The following RORA variants were observed in gnomAD, a reference collection of about 807,000 sequenced individuals.
RORA encodes the protein RAR related orphan receptor A.
A neutral mutation model predicts 69.5 loss-of-function variants in RORA; 7 were observed. The observed-to-expected ratio is 0.10, with a 90% CI of 0.06 to 0.19. The LOEUF is 0.19. Ranked by LOEUF, RORA falls within the 10% of genes least tolerant of loss-of-function variation. The probability of loss-of-function intolerance (pLI) is 1.00; values close to 1 mark genes in which losing one functional copy is unlikely to be tolerated. For missense variants in RORA, 457 were observed against 663.0 expected (o/e 0.69, Z 3.41); for synonymous variants, 261 against 240.8 (o/e 1.08, Z -0.78).
At chr15:60,739,619 G>A (rs1236510715) in intron 1 of RORA, among the ~76,000 whole-genome samples, 1 of 152,020 alleles carries the variant, frequency 6.6e-6, no homozygotes, top group Non-Finnish European at 1.5e-5. Context: ...ACACTTCCAG[G>A]AAGATTTTGT....
intron 1 of RORA, among the ~76,000 whole-genome samples, chr15:60,782,668 C>T (rs543413219): frequency 3.3e-5 from 5 of 152,186 alleles, no homozygotes; most frequent in African/African-American, 7.2e-5. Context: ...CAAAGTTTCC[C>T]GAAGACAACC....
In RORA at chr15:60,811,953, A is replaced by G. The variant is rs2140368140; in HGVS notation, c.167-133267T>C. 1.3e-5 allele frequency among the ~76,000 whole-genome samples: 2 copies of G among 152,304 alleles called. 1 individual carries two copies. The highest frequency in any genetic ancestry group is 4.1e-4 in the South Asian group (2 of 4,826). On this transcript the variant is annotated intron_variant, in intron 1 of 10. Transcript: ENST00000335670. ...TTTCATATTCATTATTTTAACGGTG[A>G]AATGGCAAAGTTTTCTAATTATTAA...
At chr15:61,063,956 C>G (rs187077330) in intron 1 of RORA, among the ~76,000 whole-genome samples, 1 of 152,102 alleles carries the variant, frequency 6.6e-6, no homozygotes, top group Non-Finnish European at 1.5e-5. Flanking sequence ...GGTGTGGGCA[C>G]GTCAGATCAC....
chr15:60,853,455 C>T (rs897868646), intron 1 of RORA, among the ~76,000 whole-genome samples: 17 of 152,176 alleles, frequency 1.1e-4, no homozygotes, highest in Non-Finnish European at 1.9e-4. Context: ...AGGCATAAAA[C>T]GAGAAGTTTC....
At chr15:61,225,757 T>G (rs2080139740) in intron 1 of RORA, among the ~76,000 whole-genome samples, 1 of 152,216 alleles carries the variant, frequency 6.6e-6, no homozygotes, top group South Asian at 2.1e-4. Flanking sequence ...AAAAAGGGTT[T>G]TTAACAACAG....
intron 2 of RORA, among the ~76,000 whole-genome samples, chr15:60,552,829 T>C (rs1472759134): frequency 6.6e-6 from 1 of 152,194 alleles, no homozygotes; most frequent in African/African-American, 2.4e-5. Flanking sequence ...GGTGAGAAAG[T>C]TAATAACTAC....
chr15:60,915,024 G>C (rs1891832209), intron 1 of RORA, among the ~76,000 whole-genome samples: 1 of 152,200 alleles, frequency 6.6e-6, no homozygotes, highest in East Asian at 1.9e-4. Context: ...GAATGAGGAG[G>C]GGAGATCAGA....
intron 1 of RORA, among the ~76,000 whole-genome samples, chr15:60,853,272 G>A (rs574083305): frequency 5.9e-5 from 9 of 152,292 alleles, no homozygotes; most frequent in African/African-American, 2.2e-4. Flanking sequence ...CAAAGGTCAG[G>A]GGGGCTGTCT....
At chr15:60,518,471 G>A (rs2066041349) in intron 3 of RORA, among the ~76,000 whole-genome samples, 1 of 152,242 alleles carries the variant, frequency 6.6e-6, no homozygotes, top group Admixed American at 6.5e-5. Context: ...AGACACTGGA[G>A]GGACTGCCCT....
intron 1 of RORA, among the ~76,000 whole-genome samples, chr15:61,192,427 C>T (rs900945143): frequency 4.6e-5 from 7 of 152,110 alleles, no homozygotes; most frequent in African/African-American, 9.7e-5. Context: ...ATCTACCATC[C>T]GCACCCAAGA....
chr15:60,909,039 C>T (rs1891625886), intron 1 of RORA, among the ~76,000 whole-genome samples: 1 of 152,140 alleles, frequency 6.6e-6, no homozygotes, highest in South Asian at 2.1e-4. Flanking sequence ...GATCTGCTCA[C>T]ACCACCCATC....
intron 2 of RORA, among the ~76,000 whole-genome samples, chr15:60,655,566 G>T (rs570093480): frequency 6.6e-6 from 1 of 152,304 alleles, no homozygotes; most frequent in Non-Finnish European, 1.5e-5. Context: ...TTGGTATACA[G>T]TAGGCAGTCA....
chr15:60,972,889 GACCTGAGTAT>G (rs1301827327), intron 1 of RORA, among the ~76,000 whole-genome samples: 1 of 151,786 alleles, frequency 6.6e-6, no homozygotes, highest in Non-Finnish European at 1.5e-5. Context: ...ATTATCCTCT[GACCTGAGTAT>G]ACCTGACTCC....
At chr15:60,879,544 AC>A (rs1036062756) in intron 1 of RORA, among the ~76,000 whole-genome samples, 2 of 152,210 alleles carry the variant, frequency 1.3e-5, no homozygotes, top group Non-Finnish European at 2.9e-5. Flanking sequence ...ATTAAATGCA[AC>A]CTGATAATCA....
chr15:60,597,477 C>T (rs1226882788), intron 2 of RORA, among the ~76,000 whole-genome samples: 2 of 136,240 alleles, frequency 1.5e-5, no homozygotes, highest in African/African-American at 5.4e-5. Context: ...GCTGTGTCCT[C>T]ACCCCATTCC....
chr15:60,685,268 G>A (rs2070724554), intron 1 of RORA, among the ~76,000 whole-genome samples: 2 of 152,272 alleles, frequency 1.3e-5, no homozygotes, highest in Admixed American at 1.3e-4. Flanking sequence ...ATGCTGCAAA[G>A]GCTGTGGTCT....
chr15:60,644,875 C>T (rs1596091947), intron 2 of RORA, among the ~76,000 whole-genome samples: 2 of 152,226 alleles, frequency 1.3e-5, no homozygotes, highest in African/African-American at 2.4e-5. Flanking sequence ...AATCACTGGG[C>T]CCGTCTTATG....
At chr15:60,912,626 C>T (rs958642416) in intron 1 of RORA, among the ~76,000 whole-genome samples, 11 of 152,134 alleles carry the variant, frequency 7.2e-5, no homozygotes, top group Admixed American at 1.3e-4. Context: ...TGGTGGCAGG[C>T]GCCTGTAGTC....
At chr15:60,910,688 A>G (rs1490686769) in intron 1 of RORA, among the ~76,000 whole-genome samples, 1 of 152,204 alleles carries the variant, frequency 6.6e-6, no homozygotes, top group Non-Finnish European at 1.5e-5. Context: ...CAGATTGGCT[A>G]GTTCCATCTC....
Sources: gnomAD v4.1 joint callset for allele counts (sites outside exome capture counted in the v4.1 genomes callset) on GRCh38, gnomAD v4.1.1 for gene constraint, MANE v1.5 for transcripts, NCBI Gene and HGNC (gene_info 2026-07-23, HGNC 2026-07-21) for gene names.